The following SIK3 variants were observed in gnomAD, a reference collection of about 807,000 sequenced individuals.
SIK3 encodes the protein SIK family kinase 3, also known as serine/threonine-protein kinase SIK3.
Under a neutral mutation model 144.2 loss-of-function variants are expected in SIK3, and 28 were observed. That is an observed-to-expected ratio of 0.19 (90% confidence interval 0.14 to 0.27). The LOEUF (loss-of-function observed/expected upper bound fraction) is 0.27. Ranked by LOEUF, SIK3 falls within the 10% of genes least tolerant of loss-of-function variation. The pLI is 1.00. For missense variants in SIK3, 1,319 were observed against 1,776.0 expected, an observed-to-expected ratio of 0.74 and a Z score of 4.62; for synonymous variants, 686 against 676.3, an observed-to-expected ratio of 1.01 and a Z score of -0.22.
At chr11:116,927,955 T>C (rs545191111) in intron 3 of SIK3, among the ~76,000 whole-genome samples, 35 of 152,338 alleles carry the variant, frequency 2.3e-4, no homozygotes, top group African/African-American at 7.0e-4. Context: ...CTGGAGTGCA[T>C]AGCGATATAC....
At chr11:117,001,245 C>G (rs958383741) in intron 1 of SIK3, among the ~76,000 whole-genome samples, 3 of 152,126 alleles carry the variant, frequency 2.0e-5, no homozygotes, top group Admixed American at 6.5e-5. Flanking sequence ...GTGGCTCACG[C>G]CTGTAATCCC....
chr11:117,042,807 G>T (rs1952804703), intron 1 of SIK3, among the ~76,000 whole-genome samples: 1 of 152,214 alleles, frequency 6.6e-6, no homozygotes, highest in Admixed American at 6.5e-5. Context: ...CTCATTCAAT[G>T]ATGGCACATA....
intron 1 of SIK3, among the ~76,000 whole-genome samples, chr11:117,001,858 T>C (rs1456257680): frequency 1.3e-5 from 2 of 152,154 alleles, no homozygotes; most frequent in African/African-American, 2.4e-5. Context: ...CCTTCTACAT[T>C]GTCACATGAA....
At chr11:116,965,751 ATAT>A (rs1949510693) in intron 1 of SIK3, among the ~76,000 whole-genome samples, 1 of 44,114 alleles carries the variant, frequency 2.3e-5, no homozygotes, top group African/African-American at 7.2e-5. Context: ...ATATATATAT[ATAT>A]ATATATATAT....
intron 1 of SIK3, among the ~76,000 whole-genome samples, chr11:117,066,094 G>T: frequency 7.1e-6 from 1 of 140,078 alleles, no homozygotes. Context: ...TTTTGAGATG[G>T]AGTTTTGCTC....
rs532429536 is a variant in SIK3, at chr11:116,957,967, T to C, written c.274-903A>G. On this transcript the variant is annotated intron_variant, in intron 1 of 24. Coordinates refer to ENST00000445177, the MANE Select transcript of SIK3 (RefSeq NM_001366686.3). The stretch of plus-strand genomic sequence containing the variant: ...ATACATTTTAATGAAGAATGAACGA[T>C]GAAGGACTTTTAAAAATTTACTAAA... Among the ~76,000 whole-genome samples the C allele has an allele frequency of 1.8e-4, 28 of 152,308 alleles. No individual in the cohort carries two copies. The East Asian group carries it at 4.8e-3, about 26-fold the overall frequency.
At chr11:116,853,675 T>C (rs1048467899) in intron 21 of SIK3, among the ~76,000 whole-genome samples, 1 of 152,212 alleles carries the variant, frequency 6.6e-6, no homozygotes, top group Admixed American at 6.5e-5. Context: ...TGTCAGCATT[T>C]TACTGCTCTA....
At chr11:116,895,087 A>G (rs559122722) in intron 6 of SIK3, among the ~76,000 whole-genome samples, 40 of 152,282 alleles carry the variant, frequency 2.6e-4, no homozygotes, top group South Asian at 1.5e-3. Context: ...AGTAAAATCT[A>G]AAGTCTTTAC....
intron 1 of SIK3, among the ~76,000 whole-genome samples, chr11:117,021,465 T>C (rs1440478500): frequency 6.6e-6 from 1 of 152,066 alleles, no homozygotes; most frequent in Non-Finnish European, 1.5e-5. Flanking sequence ...ATGAGGTAAA[T>C]GATGTTTTAC....
intron 6 of SIK3, among the ~76,000 whole-genome samples, chr11:116,884,932 C>T (rs1199532758): frequency 6.6e-6 from 1 of 152,140 alleles, no homozygotes; most frequent in African/African-American, 2.4e-5. Context: ...AAAAAACTGT[C>T]ATGTTTTGAA....
rs11216258 is a variant in SIK3, at chr11:117,063,679, G to A, written c.273+34464C>T. Reference sequence around the variant, plus strand: ...CGGCTCACTGCAACCTCTGTCTCCCGGGCCTCAGCCTCCCAAGTAGCTGGA... The same window carrying A: ...CGGCTCACTGCAACCTCTGTCTCCCAGGCCTCAGCCTCCCAAGTAGCTGGA... On this transcript the variant is annotated intron_variant, in intron 1 of 24. Transcript: ENST00000445177. Among the ~76,000 whole-genome samples the A allele has an allele frequency of 6.1e-3, 916 of 149,940 alleles. 3 individuals are homozygous for A. The highest frequency in any genetic ancestry group is 0.02 in the Middle Eastern group (6 of 294).
At chr11:116,996,201 G>A (rs945139952) in intron 1 of SIK3, among the ~76,000 whole-genome samples, 2 of 151,866 alleles carry the variant, frequency 1.3e-5, no homozygotes, top group Admixed American at 6.6e-5. Flanking sequence ...CCAGCTATTC[G>A]GGAGGCTGAG....
Position 116,877,010 on chromosome 11 carries a change from A to C in SIK3, c.898T>G (p.Leu300Val). The C allele has an allele frequency of 1.2e-6, 2 of 1,614,136 alleles. No individual in the cohort carries two copies. The highest frequency in any genetic ancestry group is 1.7e-6 in the Non-Finnish European group (2 of 1,180,018). The change falls in exon 7 of 25, where the codon TTA (leucine) becomes GTA (valine). Residue 300 changes from leucine (L) to valine (V), a missense_variant. Physicochemically the swap from Leu to Val is conservative, Grantham distance 32 (BLOSUM62 1). Around this residue, in one of 8 missense-constraint regions of SIK3, gnomAD observed 34 missense variants for 56.1 expected, o/e 0.61. Transcript: ENST00000445177. ...ATGGAGAGGCGCTTATTGGGATCTA[A>C]CACCAACATATGGCGGATCAAATGC... ...CEHLIRHMLV[L>V]DPNKRLSMEQ...
chr11:117,089,012 A>C (rs895923956), intron 1 of SIK3, among the ~76,000 whole-genome samples: 2 of 152,022 alleles, frequency 1.3e-5, no homozygotes, highest in Non-Finnish European at 2.9e-5. Flanking sequence ...TTTAAGTAAA[A>C]TTATGCTTGG....
At chr11:116,909,702 G>A (rs1411776285) in intron 4 of SIK3, among the ~76,000 whole-genome samples, 1 of 152,048 alleles carries the variant, frequency 6.6e-6, no homozygotes, top group Non-Finnish European at 1.5e-5. Flanking sequence ...GATTTCCTAG[G>A]GCCTAGCACA....
At chr11:117,063,769 C>G (rs979368815) in intron 1 of SIK3, among the ~76,000 whole-genome samples, 1 of 151,612 alleles carries the variant, frequency 6.6e-6, no homozygotes, top group Non-Finnish European at 1.5e-5. Context: ...GGGGTTTCAC[C>G]TTGGCCAGGC....
At chr11:116,897,067 C>A (rs878973481) in intron 5 of SIK3, 126 bp downstream of exon 5, 6 of 863,356 alleles carry the variant, frequency 6.9e-6, no homozygotes, top group East Asian at 3.0e-5. Flanking sequence ...GGAATTGGGA[C>A]TTGAAAGAAC....
intron 4 of SIK3, among the ~76,000 whole-genome samples, chr11:116,915,839 T>G (rs1350487382): frequency 6.6e-6 from 1 of 152,168 alleles, no homozygotes; most frequent in South Asian, 2.1e-4. Context: ...AATCCAGTGA[T>G]CCATAATAGA....
intron 3 of SIK3, among the ~76,000 whole-genome samples, chr11:116,942,548 T>C (rs1399642685): frequency 1.3e-5 from 2 of 152,094 alleles, no homozygotes; most frequent in Non-Finnish European, 2.9e-5. Context: ...TACAGAGCAA[T>C]GGGCCAGTAG....
Sources: gnomAD v4.1 joint callset for allele counts (sites outside exome capture counted in the v4.1 genomes callset) on GRCh38, gnomAD v4.1.1 for gene constraint, gnomAD v4.1.1 regional missense constraint, MANE v1.5 for transcripts, NCBI Gene and HGNC (gene_info 2026-07-23, HGNC 2026-07-21) for gene names.